The following TNS1 variants were observed in gnomAD, a reference collection of about 807,000 sequenced individuals.
TNS1 encodes the protein tensin 1.
Under a neutral mutation model 168.6 loss-of-function variants are expected in TNS1, and 62 were observed. That is an observed-to-expected ratio of 0.37 (90% CI 0.30 to 0.45). TNS1 has a LOEUF of 0.45. Ranked by LOEUF, TNS1 falls within the 20% of genes least tolerant of loss-of-function variation. TNS1 has a pLI of 1.00. For synonymous variants in TNS1, 934 were observed against 933.2 expected, an observed-to-expected ratio of 1.00 and a Z score of -0.02; for missense variants, 2,240 against 2,339.4, an observed-to-expected ratio of 0.96 and a Z score of 0.88.
intron 1 of TNS1, among the ~76,000 whole-genome samples, chr2:218,031,261 A>T (rs1355409261): frequency 1.7e-5 from 2 of 118,382 alleles, no homozygotes; most frequent in East Asian, 5.4e-4. Context: ...TGAGTGTATG[A>T]GTGTGTTGTG....
chr2:217,917,003 C>G (rs1270882232), intron 4 of TNS1, among the ~76,000 whole-genome samples: 1 of 152,218 alleles, frequency 6.6e-6, no homozygotes, highest in East Asian at 1.9e-4. Context: ...GCCCTTTCCT[C>G]CCTCTTGTGA....
chr2:217,826,417 C>T (rs1013405278), intron 22 of TNS1, among the ~76,000 whole-genome samples: 17 of 152,152 alleles, frequency 1.1e-4, no homozygotes, highest in African/African-American at 4.1e-4. Context: ...TGCAAGCTCT[C>T]CCCTCACCCA....
chr2:217,818,338 T>A lies in TNS1; in HGVS notation c.3994A>T (p.Ser1332Cys), dbSNP rs951408351. Residue 1332 changes from serine (S) to cysteine (C), a missense_variant, in exon 24 of 33, where the codon AGC becomes TGC. By Grantham distance (112) the Ser-to-Cys change is moderately radical. This residue lies in a region of TNS1 where 2,131 missense variants were observed against 2,171.2 expected (regional missense o/e 0.98). Coordinates refer to ENST00000682258, the MANE Select transcript of TNS1 (RefSeq NM_001387777.1). Reference protein sequence around the residue: ...MGPPGTGFHGSTVSSPQSSAA... With the variant: ...MGPPGTGFHGCTVSSPQSSAA... Reference sequence around the variant, plus strand: ...CTGCTCTGGGGGCTGGAGACAGTGCTACCATGGAAGCCAGTGCCTGGTGGA... The same window carrying A: ...CTGCTCTGGGGGCTGGAGACAGTGCAACCATGGAAGCCAGTGCCTGGTGGA... 5 of 1,613,996 alleles carry A rather than the reference T, an allele frequency of 3.1e-6. No individual in the cohort carries two copies. Among genetic ancestry groups the A allele is most frequent in the Non-Finnish European group, 3.4e-6 (4 of 1,180,024 alleles).
chr2:217,835,681 A>G (rs936093380), intron 20 of TNS1, among the ~76,000 whole-genome samples: 2 of 152,230 alleles, frequency 1.3e-5, no homozygotes, highest in Admixed American at 1.3e-4. Context: ...AAAGGGCTCA[A>G]AAATAATTTT....
chr2:217,821,116 T>G (rs901029332), intron 23 of TNS1, among the ~76,000 whole-genome samples: 7 of 152,176 alleles, frequency 4.6e-5, no homozygotes, highest in African/African-American at 1.7e-4. Flanking sequence ...CCCCTTGTTC[T>G]GAGCTCCAAG....
chr2:217,983,108 C>A (rs1326793120), intron 2 of TNS1, among the ~76,000 whole-genome samples: 1 of 152,072 alleles, frequency 6.6e-6, no homozygotes, highest in Admixed American at 6.6e-5. Flanking sequence ...TGACAGGGAC[C>A]AGTCTGTGAG....
chr2:217,992,979 C>G (rs1167011697), intron 1 of TNS1, among the ~76,000 whole-genome samples: 1 of 152,162 alleles, frequency 6.6e-6, no homozygotes, highest in Admixed American at 6.5e-5. Context: ...ACTTATGATA[C>G]TGTATTTTTA....
chr2:218,010,396 C>T (rs1032396391), exon 1 of TNS1: 3 of 389,304 alleles, frequency 7.7e-6, no homozygotes, highest in Non-Finnish European at 1.4e-5. Flanking sequence ...GCGCGGGAGG[C>T]CCGCGGCGCG....
intron 18 of TNS1, chr2:217,849,874 G>C: frequency 1.0e-6 from 1 of 985,444 alleles, no homozygotes; most frequent in Non-Finnish European, 1.2e-6. Context: ...CAAGGTGGTG[G>C]TGGCAGGGAG....
intron 1 of TNS1, among the ~76,000 whole-genome samples, chr2:218,018,252 A>G (rs1559413050): frequency 6.6e-6 from 1 of 152,166 alleles, no homozygotes; most frequent in Non-Finnish European, 1.5e-5. Context: ...GAGGCACCAC[A>G]CGGCCAGAGA....
At chr2:217,839,862 T>A (rs755446616) in intron 19 of TNS1, among the ~76,000 whole-genome samples, 7 of 152,142 alleles carry the variant, frequency 4.6e-5, no homozygotes, top group Non-Finnish European at 7.4e-5. Context: ...AGCGAGGGGA[T>A]CCGGGAGGCC....
chr2:217,949,420 G>A (rs1387164223), intron 3 of TNS1, among the ~76,000 whole-genome samples: 1 of 152,214 alleles, frequency 6.6e-6, no homozygotes, highest in Non-Finnish European at 1.5e-5. Flanking sequence ...CCTTCAGGGA[G>A]CCCTCCTTCC....
intron 3 of TNS1, among the ~76,000 whole-genome samples, chr2:217,959,760 G>C (rs1957451230): frequency 1.3e-5 from 2 of 152,102 alleles, no homozygotes; most frequent in South Asian, 4.1e-4. Flanking sequence ...TGGCCCAAGG[G>C]AAGCAGCTGG....
intron 18 of TNS1, among the ~76,000 whole-genome samples, chr2:217,866,635 G>A (rs1949300669): frequency 6.6e-6 from 1 of 152,204 alleles, no homozygotes; most frequent in Non-Finnish European, 1.5e-5. Flanking sequence ...AGCTGACCCG[G>A]CAGACAGCGG....
chr2:217,848,139 T>C lies in TNS1; in HGVS notation c.2378A>G (p.Glu793Gly). The change falls in exon 19 of 33, where the codon GAA becomes GGA. Residue 793 changes from glutamate to glycine, a missense_variant. By Grantham distance (98) the Glu-to-Gly change is moderately conservative (BLOSUM62 -2). Coordinates refer to ENST00000682258, the MANE Select transcript of TNS1 (RefSeq NM_001387777.1). ...TACAAGACTCTCCAAGTGGGCTCTT[T>C]CCTGCTGGCGTGGAGGTGGGCGAGG... ...QQPRPPPRQQ[E>G]RAHLESLVAS... 6.3e-7 allele frequency: 1 copy of C among 1,596,138 alleles called. No individual in the cohort carries two copies. Among genetic ancestry groups the C allele is most frequent in the Non-Finnish European group, 8.5e-7 (1 of 1,171,548 alleles).
At chr2:217,859,809 C>T (rs1213639938) in intron 18 of TNS1, 42 of 873,760 alleles carry the variant, frequency 4.8e-5, no homozygotes, top group South Asian at 3.9e-4. Context: ...GGCAGGTGAA[C>T]GGCCCTCAAG....
chr2:217,937,942 CA>C (rs1162796549), intron 3 of TNS1, among the ~76,000 whole-genome samples: 2 of 152,140 alleles, frequency 1.3e-5, no homozygotes, highest in African/African-American at 4.8e-5. Context: ...GGACTGAACA[CA>C]AAAACTGCTC....
chr2:217,883,482 C>G (rs890564261), intron 16 of TNS1, among the ~76,000 whole-genome samples: 4 of 152,154 alleles, frequency 2.6e-5, no homozygotes, highest in African/African-American at 7.2e-5. Flanking sequence ...CCAGGCTAGT[C>G]TTAAACTCCT....
intron 1 of TNS1, among the ~76,000 whole-genome samples, chr2:217,991,577 C>A (rs868816566): frequency 6.6e-6 from 1 of 152,132 alleles, no homozygotes; most frequent in Admixed American, 6.5e-5. Context: ...CATAGTCTTG[C>A]GTTTGGCTTC....
Sources: allele counts gnomAD v4.1 joint callset (sites outside exome capture counted in the v4.1 genomes callset), GRCh38; gene constraint gnomAD v4.1.1; regional missense constraint gnomAD v4.1.1; transcripts MANE v1.5; gene names NCBI Gene and HGNC (gene_info 2026-07-23, HGNC 2026-07-21).